Variants in GRID1 observed in about 807,000 individuals in gnomAD.
GRID1 encodes the protein glutamate receptor ionotropic, delta-1.
A neutral mutation model predicts 98.0 loss-of-function variants in GRID1; 28 were observed. That is an observed-to-expected ratio of 0.29 (90% CI 0.21 to 0.39). The LOEUF (loss-of-function observed/expected upper bound fraction) is 0.39, where lower values mean the gene tolerates loss of function less well. GRID1 is among the 10% of genes least tolerant of loss of function. GRID1 has a pLI of 1.00. For synonymous variants in GRID1, 553 were observed against 538.5 expected (o/e 1.03, Z -0.37); for missense variants, 1,111 against 1,340.5 (o/e 0.83, Z 2.67).
At chr10:86,351,543 A>T (rs1744083508) in intron 2 of GRID1, among the ~76,000 whole-genome samples, 1 of 152,214 alleles carries the variant, frequency 6.6e-6, no homozygotes, top group Admixed American at 6.5e-5. Context: ...AGCTCTGAGC[A>T]CACAGGACTA....
chr10:86,094,842 A>G (rs1844197854), intron 4 of GRID1, among the ~76,000 whole-genome samples: 1 of 151,992 alleles, frequency 6.6e-6, no homozygotes, highest in African/African-American at 2.4e-5. Flanking sequence ...AAAAAAAAAA[A>G]AATTCTAAAA....
At chr10:85,654,237 C>T (rs1840867544) in intron 12 of GRID1, among the ~76,000 whole-genome samples, 1 of 152,138 alleles carries the variant, frequency 6.6e-6, no homozygotes, top group Non-Finnish European at 1.5e-5. Flanking sequence ...CTCCAAATCC[C>T]ACTTCTTCAA....
At chr10:85,859,018 G>C (rs1421760981) in intron 6 of GRID1, among the ~76,000 whole-genome samples, 2 of 152,168 alleles carry the variant, frequency 1.3e-5, no homozygotes, top group African/African-American at 4.8e-5. Flanking sequence ...TGCTTGGAAG[G>C]GTGAATACAT....
chr10:85,765,419 G>T (rs926394625), intron 8 of GRID1, among the ~76,000 whole-genome samples: 7 of 152,162 alleles, frequency 4.6e-5, no homozygotes, highest in African/African-American at 1.4e-4. Context: ...TAGGATACAA[G>T]TTGAGCACCT....
chr10:85,942,604 T>C (rs1198466659), intron 4 of GRID1, among the ~76,000 whole-genome samples: 1 of 152,348 alleles, frequency 6.6e-6, no homozygotes, highest in East Asian at 1.9e-4. Flanking sequence ...TCGGTGTTCG[T>C]GTTCAAGGTT....
intron 3 of GRID1, among the ~76,000 whole-genome samples, chr10:86,199,402 A>C (rs141859342): frequency 0.022 from 3,353 of 152,276 alleles, 140 homozygotes; most frequent in African/African-American, 0.076. Context: ...TGATGTCATC[A>C]AAAATGCCAC....
At chr10:85,626,017 T>TC (rs1489239257) in intron 13 of GRID1, among the ~76,000 whole-genome samples, 1 of 151,822 alleles carries the variant, frequency 6.6e-6, no homozygotes, top group Non-Finnish European at 1.5e-5. Flanking sequence ...ACCACACTGC[T>TC]CCCCCCAAAT....
intron 2 of GRID1, among the ~76,000 whole-genome samples, chr10:86,299,197 CTTT>C (rs58078110): frequency 1.4e-5 from 2 of 141,766 alleles, no homozygotes; most frequent in African/African-American, 2.6e-5. Flanking sequence ...AATAAGATTT[CTTT>C]TTTTTTTTTT....
At chr10:86,190,314 G>T (rs1845783280) in intron 3 of GRID1, among the ~76,000 whole-genome samples, 1 of 152,192 alleles carries the variant, frequency 6.6e-6, no homozygotes, top group South Asian at 2.1e-4. Context: ...CAAACACAGA[G>T]TTGGGAAGAG....
At chr10:86,158,283 T>G (rs1331203821) in intron 3 of GRID1, among the ~76,000 whole-genome samples, 2 of 152,156 alleles carry the variant, frequency 1.3e-5, no homozygotes, top group Admixed American at 1.3e-4. Context: ...TCCCTACCAA[T>G]GAAAACACTG....
At chr10:86,218,459 C>T (rs947742289) in intron 2 of GRID1, among the ~76,000 whole-genome samples, 2 of 152,132 alleles carry the variant, frequency 1.3e-5, no homozygotes, top group African/African-American at 4.8e-5. Flanking sequence ...GTTGGAGTGG[C>T]CCACCCTGCC....
At chr10:86,293,591 C>T (rs1023578539) in intron 2 of GRID1, among the ~76,000 whole-genome samples, 1 of 152,192 alleles carries the variant, frequency 6.6e-6, no homozygotes, top group Non-Finnish European at 1.5e-5. Context: ...GAGCAAAGAC[C>T]CTTTTGTATT....
chr10:85,808,685 G>GA (rs1164577603), intron 8 of GRID1, among the ~76,000 whole-genome samples: 1 of 152,088 alleles, frequency 6.6e-6, no homozygotes, highest in East Asian at 1.9e-4. Flanking sequence ...ACAACAAATT[G>GA]AAAATCATAC....
intron 3 of GRID1, among the ~76,000 whole-genome samples, chr10:86,146,154 T>C (rs904830870): frequency 6.6e-6 from 1 of 152,182 alleles, no homozygotes; most frequent in Non-Finnish European, 1.5e-5. Flanking sequence ...TAGAGAATAT[T>C]TTACCATCTG....
At chr10:86,135,498 C>T (rs1342367879) in intron 4 of GRID1, among the ~76,000 whole-genome samples, 2 of 152,112 alleles carry the variant, frequency 1.3e-5, no homozygotes, top group East Asian at 3.9e-4. Flanking sequence ...CCTCTCCACA[C>T]CTTTTTAAGA....
chr10:86,306,404 A>T (rs1053462515), intron 2 of GRID1, among the ~76,000 whole-genome samples: 3 of 152,214 alleles, frequency 2.0e-5, no homozygotes, highest in Non-Finnish European at 4.4e-5. Flanking sequence ...CCTCCCAGTG[A>T]TTTAAAATAG....
At chr10:86,162,312 G>A (rs1434812514) in intron 3 of GRID1, among the ~76,000 whole-genome samples, 1 of 151,970 alleles carries the variant, frequency 6.6e-6, no homozygotes, top group Admixed American at 6.6e-5. Context: ...AAATCATGGG[G>A]CCATCATTAC....
chr10:85,929,976 C>A (rs1400179744), intron 4 of GRID1, among the ~76,000 whole-genome samples: 1 of 152,188 alleles, frequency 6.6e-6, no homozygotes, highest in Non-Finnish European at 1.5e-5. Context: ...CTACCTGTAT[C>A]ACAATTTGTA....
In GRID1 at chr10:85,945,556, T is replaced by A. The variant is rs2131840700; in HGVS notation, c.727-29317A>T. Among the ~76,000 whole-genome samples the A allele has an allele frequency of 1.3e-5, 2 of 152,340 alleles. 1 individual carries two copies. Among genetic ancestry groups the A allele is most frequent in the South Asian group, 4.1e-4 (2 of 4,832 alleles). On this transcript the variant is annotated intron_variant, in intron 4 of 15. Transcript: ENST00000327946. ...TTAGCAAACAGAATTTGTCAAAAAG[T>A]TGACTAATACATTTCCATCTTCCCA...
Sources: gnomAD v4.1 joint callset for allele counts (sites outside exome capture counted in the v4.1 genomes callset) on GRCh38, gnomAD v4.1.1 for gene constraint, MANE v1.5 for transcripts, NCBI Gene and HGNC (gene_info 2026-07-23, HGNC 2026-07-21) for gene names.